Variants in PRPF6 observed in about 807,000 individuals in gnomAD.
PRPF6 encodes the protein pre-mRNA-processing factor 6.
PRPF6 carries 42 observed loss-of-function variants against 118.3 expected under a neutral mutation model. That is an observed-to-expected ratio of 0.35 (90% confidence interval 0.28 to 0.46). The LOEUF (loss-of-function observed/expected upper bound fraction) is 0.46, where lower values mean the gene tolerates loss of function less well. PRPF6 is among the 20% of genes least tolerant of loss of function. PRPF6 has a pLI of 1.00. For synonymous variants in PRPF6, 481 were observed against 485.1 expected (o/e 0.99, Z 0.11); for missense variants, 662 against 1,255.7 (o/e 0.53, Z 7.15).
chr20:63,982,094 C>T (rs1306522509), intron 1 of PRPF6, among the ~76,000 whole-genome samples: 1 of 152,102 alleles, frequency 6.6e-6, no homozygotes. Context: ...GAATAGAGCT[C>T]AGGAGGTTGG....
rs773997086 is a variant in PRPF6 at position 63,999,153 on chromosome 20, A to G, written c.866+14A>G. 3.1e-6 allele frequency: 5 copies of G among 1,610,234 alleles called. No individual in the cohort carries two copies. Among genetic ancestry groups the G allele is most frequent in the Middle Eastern group, 3.3e-4 (2 of 6,058 alleles). On this transcript the variant is annotated intron_variant, in intron 7 of 20. Transcript: ENST00000266079. Reference sequence around the variant, plus strand: ...AGGAGACATCAAGTGAGTGCTTTGCAGAATCGCTGGGCTGGGATGGAGACT... The same window carrying G: ...AGGAGACATCAAGTGAGTGCTTTGCGGAATCGCTGGGCTGGGATGGAGACT...
chr20:63,994,798 C>T, intron 4 of PRPF6, 118 bp from the exon 5 acceptor site: 1 of 1,337,894 alleles, frequency 7.5e-7, no homozygotes, highest in Non-Finnish European at 1.1e-6. Flanking sequence ...GTTGCTGCAT[C>T]CAAATCCCTT....
At chr20:64,013,193 G>T (rs2123056728) in intron 11 of PRPF6, among the ~76,000 whole-genome samples, 3 of 152,160 alleles carry the variant, frequency 2.0e-5, no homozygotes, top group African/African-American at 7.2e-5. Flanking sequence ...TCGAACTCCT[G>T]ACCTCAAGCA....
chr20:64,031,691 A>C (rs914956816), intron 19 of PRPF6, among the ~76,000 whole-genome samples: 151 of 135,578 alleles, frequency 1.1e-3, no homozygotes, highest in East Asian at 3.6e-3. Context: ...AAAAAAAAAA[A>C]CAACAAAAAA....
Position 64,024,704 on chromosome 20 carries a change from G to A in PRPF6, c.1908+11G>A, listed in dbSNP as rs2059280345. On this transcript the variant is annotated intron_variant, in intron 14 of 20. Transcript: ENST00000266079. The stretch of plus-strand genomic sequence containing the variant: ...GCCCTGGCCTTCCAGGTGGGTGAGG[G>A]TTGCCTGTGTGGTGAGGGGCCTGTG... The A allele has an allele frequency of 1.2e-6, 2 of 1,611,018 alleles. No homozygotes were observed. The highest frequency in any genetic ancestry group is 1.7e-6 in the Non-Finnish European group (2 of 1,179,444).
In PRPF6 at chr20:64,028,511, G is replaced by C; in HGVS notation, c.2373G>C (p.Gly791=). 6.2e-7 allele frequency: 1 copy of C among 1,613,908 alleles called. No individual in the cohort carries two copies. The highest frequency in any genetic ancestry group is 8.5e-7 in the Non-Finnish European group (1 of 1,180,024). The stretch of plus-strand genomic sequence containing the variant: ...CCGTGCGGCTGGAGTACCGTGCGGG[G>C]CTGAAGAACATCGCAAATACACTCA... ...LESVRLEYRA[G]LKNIANTLMA... Residue 791 remains glycine, a synonymous_variant, in exon 18 of 21, where the codon GGG becomes GGC. Coordinates refer to ENST00000266079, the MANE Select transcript of PRPF6 (RefSeq NM_012469.4). This position sits in a 1 kb window ranked among gnomAD's most constrained non-coding sequence, Gnocchi z 6.5.
intron 1 of PRPF6, among the ~76,000 whole-genome samples, chr20:63,982,381 AG>A (rs1404804105): frequency 4.6e-5 from 7 of 151,658 alleles, no homozygotes; most frequent in Non-Finnish European, 7.4e-5. Flanking sequence ...CATGTTGGCC[AG>A]GGGGGTCTTG....
chr20:63,995,234 C>T (rs1192334260), intron 5 of PRPF6, 93 bp from the exon 6 acceptor site: 15 of 1,571,578 alleles, frequency 9.5e-6, no homozygotes, highest in Non-Finnish European at 1.3e-5. Context: ...GTGCATATGT[C>T]AGGCCACTGG....
intron 8 of PRPF6, 35 bp from the exon 9 acceptor site, chr20:64,001,042 A>G (rs763591829): frequency 4.5e-5 from 72 of 1,611,322 alleles, no homozygotes; most frequent in Middle Eastern, 1.6e-4. Context: ...TCCAGCCTGC[A>G]CTGAGCCTTA....
intron 12 of PRPF6, among the ~76,000 whole-genome samples, chr20:64,017,683 G>A (rs1045210484): frequency 3.3e-5 from 5 of 152,224 alleles, no homozygotes; most frequent in Non-Finnish European, 7.3e-5. Context: ...ACGCCTGGCC[G>A]CAGATTTGCT....
chr20:64,021,124 A>G (rs555482519), intron 12 of PRPF6, among the ~76,000 whole-genome samples: 3 of 152,340 alleles, frequency 2.0e-5, no homozygotes, highest in Admixed American at 2.0e-4. Context: ...AATATGTTTG[A>G]TCTGCAGTTA....
At position 63,985,037 on chromosome 20, in the gene PRPF6, T is replaced by C. The variant is rs189347762; in HGVS notation, c.359+12T>C. On this transcript the variant is annotated intron_variant, in intron 3 of 20. Coordinates refer to ENST00000266079, the MANE Select transcript of PRPF6 (RefSeq NM_012469.4). ...AGAAAAGAAAGACGGTAAAAGAAAT[T>C]GTTGCCTTTCACAATATTTATCCAA... 20 of 1,605,652 alleles carry C rather than the reference T, an allele frequency of 1.2e-5. No homozygotes were observed. The East Asian group carries it at 4.2e-4, about 34-fold the overall frequency.
chr20:64,029,609 C>A lies in PRPF6; in HGVS notation c.2546+118C>A. ...TGCCCGGCAGCAGGGTGGGCTTCCC[C>A]GATCCTCGGCTGCCGTCGCTCCTGC... On this transcript the variant is annotated intron_variant, in intron 19 of 20. Transcript: ENST00000266079. The surrounding 1 kb of genome is among the most constrained non-coding windows in gnomAD (Gnocchi z 4.8). 2.2e-6 allele frequency: 2 copies of A among 892,458 alleles called. No individual in the cohort carries two copies. The highest frequency in any genetic ancestry group is 1.4e-5 in the South Asian group (1 of 70,590). The allele number at this position is 892,458 out of a possible 1,614,324, so 55.3% of individuals were successfully genotyped here. A position where few individuals can be genotyped will look rare whatever the true frequency, so the allele number is the denominator to read the frequency against.
intron 12 of PRPF6, among the ~76,000 whole-genome samples, chr20:64,017,969 G>A (rs1010889385): frequency 1.4e-4 from 22 of 152,336 alleles, no homozygotes; most frequent in Admixed American, 3.3e-4. Flanking sequence ...TTGGGAGGCC[G>A]AGATGGGCAG....
intron 9 of PRPF6, among the ~76,000 whole-genome samples, chr20:64,009,621 G>A (rs1456144658): frequency 1.3e-5 from 2 of 152,154 alleles, no homozygotes; most frequent in African/African-American, 2.4e-5. Context: ...TACCTTAGAG[G>A]CTGAGACAGG....
intron 9 of PRPF6, among the ~76,000 whole-genome samples, chr20:64,009,303 A>G (rs34908742): frequency 1.0e-4 from 15 of 146,764 alleles, no homozygotes; most frequent in Non-Finnish European, 2.1e-4. Context: ...AAAAAAAAAA[A>G]GAGAGGTATT....
In PRPF6 at chr20:63,981,142, CTT is replaced by C; in HGVS notation, c.-102_-101del. 3 of 1,269,672 alleles carry C rather than the reference CTT, an allele frequency of 2.4e-6. No individual in the cohort carries two copies. Among genetic ancestry groups the C allele is most frequent in the Non-Finnish European group, 3.4e-6 (3 of 891,838 alleles). 78.7% of individuals were successfully genotyped at this position (1,269,672 alleles called of 1,614,324 possible). Reference sequence around the variant, plus strand: ...CGCGGGTGACGCGACGACGGCGACACTTTGCTACGGAGTGCATCGGACGTCGA... The same window carrying C: ...CGCGGGTGACGCGACGACGGCGACACTGCTACGGAGTGCATCGGACGTCGA... On this transcript the variant is annotated 5_prime_UTR_variant, in exon 1 of 21. Coordinates refer to ENST00000266079, the MANE Select transcript of PRPF6 (RefSeq NM_012469.4).
chr20:64,022,267 G>C lies in PRPF6; in HGVS notation c.1648-490G>C, dbSNP rs1049905115. Among the ~76,000 whole-genome samples, 5 of 152,304 alleles carry C rather than the reference G, an allele frequency of 3.3e-5. No homozygotes were observed. In the East Asian group the frequency reaches 9.6e-4, roughly 29 times the overall value. ...TGGAGTAAGAACTACAGTGTTTTCT[G>C]TGCCCAGAAGTAGGTTTCCCAGTCC... is the stretch of plus-strand genomic sequence containing the variant. On this transcript the variant is annotated intron_variant, in intron 12 of 20. Coordinates refer to ENST00000266079, the MANE Select transcript of PRPF6 (RefSeq NM_012469.4).
At chr20:64,018,068 C>T (rs532475631) in intron 12 of PRPF6, among the ~76,000 whole-genome samples, 139 of 152,284 alleles carry the variant, frequency 9.1e-4, no homozygotes, top group African/African-American at 3.2e-3. Context: ...TGGTGGTGCA[C>T]GCTTGTAGTC....
Sources: gnomAD v4.1 joint callset for allele counts (sites outside exome capture counted in the v4.1 genomes callset) on GRCh38, gnomAD v4.1.1 for gene constraint, Gnocchi (gnomAD v3.1) non-coding constraint, MANE v1.5 for transcripts, NCBI Gene and HGNC (gene_info 2026-07-23, HGNC 2026-07-21) for gene names.